The following KHDRBS2 variants were observed in gnomAD, a reference collection of about 807,000 sequenced individuals.
KHDRBS2 encodes the protein KH RNA binding domain containing, signal transduction associated 2, also known as KH domain-containing, RNA-binding, signal transduction-associated protein 2.
In KHDRBS2, 26 loss-of-function variants were observed where a neutral mutation model predicts 44.3. The ratio of observed to expected loss-of-function variants is 0.59; its 90% CI spans 0.43 to 0.81. The LOEUF (loss-of-function observed/expected upper bound fraction) is 0.81, where lower values mean the gene tolerates loss of function less well. KHDRBS2 is among the 40% of genes least tolerant of loss of function. KHDRBS2 has a pLI of 0.00. For synonymous variants in KHDRBS2, 194 were observed against 151.1 expected (o/e 1.28, Z -2.08); for missense variants, 476 against 433.1 (o/e 1.10, Z -0.88).
chr6:61,773,712 C>A (rs1781420731), intron 6 of KHDRBS2, among the ~76,000 whole-genome samples: 1 of 151,702 alleles, frequency 6.6e-6, no homozygotes, highest in African/African-American at 2.4e-5. Flanking sequence ...ACATGAAGTC[C>A]TTGCCCATGC....
chr6:61,994,932 G>A (rs1185246586), intron 3 of KHDRBS2, among the ~76,000 whole-genome samples: 3 of 152,010 alleles, frequency 2.0e-5, no homozygotes, highest in African/African-American at 4.8e-5. Context: ...ATATTCTAAG[G>A]GAGGCAGGAA....
chr6:61,595,949 C>T, the KHDRBS2 span, among the ~76,000 whole-genome samples: 1 of 152,032 alleles, frequency 6.6e-6, no homozygotes, highest in African/African-American at 2.4e-5. Context: ...TTCTAGTCAT[C>T]TTGGGTTTCA....
intron 4 of KHDRBS2, among the ~76,000 whole-genome samples, chr6:61,942,712 T>C (rs1812371488): frequency 6.6e-6 from 1 of 152,042 alleles, no homozygotes; most frequent in Non-Finnish European, 1.5e-5. Context: ...TAGAAATCCA[T>C]ATACAGAAGG....
the KHDRBS2 span, among the ~76,000 whole-genome samples, chr6:61,557,468 T>C: frequency 6.6e-6 from 1 of 152,208 alleles, no homozygotes; most frequent in Non-Finnish European, 1.5e-5. Context: ...CCATTGTGAA[T>C]GGTAGGACAC....
chr6:61,565,734 A>G, the KHDRBS2 span, among the ~76,000 whole-genome samples: 1 of 152,126 alleles, frequency 6.6e-6, no homozygotes, highest in Non-Finnish European at 1.5e-5. Flanking sequence ...AGACTATTGT[A>G]TAAAATGTTT....
intron 2 of KHDRBS2, among the ~76,000 whole-genome samples, chr6:62,134,325 G>A (rs1811015208): frequency 6.6e-6 from 1 of 152,118 alleles, no homozygotes; most frequent in Non-Finnish European, 1.5e-5. Flanking sequence ...GCTTCCATGT[G>A]GTGTTGAGCC....
chr6:62,018,959 T>C (rs1242221173), intron 3 of KHDRBS2, among the ~76,000 whole-genome samples: 1 of 152,122 alleles, frequency 6.6e-6, no homozygotes, highest in Non-Finnish European at 1.5e-5. Flanking sequence ...TATATTCTTT[T>C]TTAAAATTGA....
intron 6 of KHDRBS2, among the ~76,000 whole-genome samples, chr6:61,839,110 T>G (rs2127269761): frequency 6.6e-6 from 1 of 152,164 alleles, no homozygotes; most frequent in African/African-American, 2.4e-5. Flanking sequence ...TAGATCTCAT[T>G]TTATAGAGAT....
chr6:62,063,683 G>C (rs2127331607), intron 2 of KHDRBS2, among the ~76,000 whole-genome samples: 1 of 141,030 alleles, frequency 7.1e-6, no homozygotes, highest in East Asian at 2.1e-4. Flanking sequence ...ATACTGAATG[G>C]GCAAAAACTG....
intron 4 of KHDRBS2, among the ~76,000 whole-genome samples, chr6:61,936,972 G>A (rs1045190503): frequency 1.3e-5 from 2 of 151,946 alleles, no homozygotes; most frequent in East Asian, 3.9e-4. Context: ...GACTTACTAT[G>A]TTTATAGTTT....
chr6:61,737,721 G>A (rs537802052), intron 6 of KHDRBS2, among the ~76,000 whole-genome samples: 18 of 152,090 alleles, frequency 1.2e-4, no homozygotes, highest in Non-Finnish European at 4.4e-5. Flanking sequence ...CATGGACTCC[G>A]GCTTTATTCT....
chr6:61,995,192 C>T (rs1377644013), intron 3 of KHDRBS2, among the ~76,000 whole-genome samples: 1 of 151,784 alleles, frequency 6.6e-6, no homozygotes, highest in Admixed American at 6.6e-5. Context: ...GGACCTTGAT[C>T]CTGAATTTTG....
At chr6:61,809,063 T>C (rs897525592) in intron 6 of KHDRBS2, among the ~76,000 whole-genome samples, 3 of 151,986 alleles carry the variant, frequency 2.0e-5, no homozygotes, top group African/African-American at 7.3e-5. Flanking sequence ...ATCTATGTTT[T>C]AGCCAGTGAA....
At chr6:62,028,162 T>C (rs1486487346) in intron 3 of KHDRBS2, among the ~76,000 whole-genome samples, 1 of 152,082 alleles carries the variant, frequency 6.6e-6, no homozygotes, top group East Asian at 1.9e-4. Context: ...AATCAGCTGG[T>C]ACTGGGAAAA....
the KHDRBS2 span, among the ~76,000 whole-genome samples, chr6:61,663,500 C>CATATATATATATATATATGT: frequency 2.8e-5 from 1 of 35,992 alleles, no homozygotes; most frequent in Non-Finnish European, 5.3e-5. Flanking sequence ...CATGAGACAC[C>CATATATATATATATATATGT]ATATATATAT....
At chr6:61,874,160 T>C (rs948454449) in intron 6 of KHDRBS2, among the ~76,000 whole-genome samples, 4 of 152,162 alleles carry the variant, frequency 2.6e-5, no homozygotes, top group Non-Finnish European at 4.4e-5. Flanking sequence ...TAGAGGAATT[T>C]ATTCATTTGA....
At chr6:62,215,403 T>G (rs569355888) in intron 1 of KHDRBS2, among the ~76,000 whole-genome samples, 21 of 151,822 alleles carry the variant, frequency 1.4e-4, no homozygotes, top group Middle Eastern at 3.4e-3. Context: ...TTATGATTAC[T>G]CAGCTCCTTC....
At chr6:62,102,341 A>T (rs1182728554) in intron 2 of KHDRBS2, among the ~76,000 whole-genome samples, 2 of 152,232 alleles carry the variant, frequency 1.3e-5, no homozygotes, top group African/African-American at 2.4e-5. Flanking sequence ...TTATAGTTCC[A>T]GCTATGGCTG....
chr6:61,607,520 C>CAAAA, the KHDRBS2 span, among the ~76,000 whole-genome samples: 1,994 of 40,710 alleles, frequency 0.049, 479 homozygotes, highest in South Asian at 0.15. Flanking sequence ...GAGTTCCAAG[C>CAAAA]AAAAAAAAAA....
Sources: gnomAD v4.1 joint callset for allele counts (sites outside exome capture counted in the v4.1 genomes callset) on GRCh38, gnomAD v4.1.1 for gene constraint, MANE v1.5 for transcripts, NCBI Gene and HGNC (gene_info 2026-07-23, HGNC 2026-07-21) for gene names.